Variants in IHO1 observed in about 807,000 individuals in gnomAD.
IHO1 encodes the protein interactor of HORMAD1 protein 1.
A neutral mutation model predicts 31.0 loss-of-function variants in IHO1; 13 were observed. That is an observed-to-expected ratio of 0.42 (90% CI 0.27 to 0.67). IHO1 has a LOEUF of 0.67. IHO1 is among the 30% of genes least tolerant of loss of function. The probability of loss-of-function intolerance (pLI) is 0.24; values close to 1 mark genes in which losing one functional copy is unlikely to be tolerated. For synonymous variants in IHO1, 221 were observed against 248.4 expected, an observed-to-expected ratio of 0.89 and a Z score of 1.04; for missense variants, 599 against 687.5, an observed-to-expected ratio of 0.87 and a Z score of 1.44.
intron 1 of IHO1, among the ~76,000 whole-genome samples, chr3:49,201,986 T>G (rs2046075598): frequency 2.6e-5 from 4 of 152,332 alleles, no homozygotes; most frequent in Admixed American, 2.0e-4. Context: ...AAAATCTAGT[T>G]GTAATTTAGT....
chr3:49,257,174 G>A lies in IHO1; in HGVS notation c.1677G>A (p.Trp559Ter). 6.2e-7 allele frequency: 1 copy of A among 1,614,214 alleles called. No homozygotes were observed. Among genetic ancestry groups the A allele is most frequent in the Non-Finnish European group, 8.5e-7 (1 of 1,180,044 alleles). Residue 559 changes from tryptophan (W) to a stop codon, truncating the protein, a stop_gained, in exon 8 of 8, where the codon TGG (tryptophan) becomes TGA (stop). Coordinates refer to ENST00000452691, the MANE Select transcript of IHO1 (RefSeq NM_001135197.2). LOFTEE classifies it low-confidence loss of function (END_TRUNC). ...SSSQGDHQMSWFSDLNLGCSE... is the reference protein window; with the variant it reads ...SSSQGDHQMS ...CCCAGGGGGACCACCAGATGAGCTGGTTCAGTGACCTCAATCTCGGATGTT... is the reference window on the plus strand; with the variant it reads ...CCCAGGGGGACCACCAGATGAGCTGATTCAGTGACCTCAATCTCGGATGTT...
the IHO1 span, chr3:49,191,551 G>A: frequency 1.4e-6 from 1 of 700,764 alleles, no homozygotes; most frequent in Non-Finnish European, 2.6e-6. Flanking sequence ...TGCATGGAAG[G>A]GGGCAAAGTG....
intron 2 of IHO1, among the ~76,000 whole-genome samples, chr3:49,212,151 G>A (rs1485575157): frequency 2.7e-4 from 37 of 136,980 alleles, no homozygotes; most frequent in Middle Eastern, 4.6e-3. Context: ...GCGACAGAGC[G>A]AGACTCCGTC....
At chr3:49,200,415 AGATCGCGCCACTGCACTCCAGCCTGG>A (rs1159439613) in intron 1 of IHO1, 1 of 209,134 alleles carries the variant, frequency 4.8e-6, no homozygotes, top group Non-Finnish European at 8.2e-6. Context: ...CAGTGAGCTG[AGATCGCGCCACTGCACTCCAGCCTGG>A]GCGACAGAGT....
At chr3:49,253,828 C>CTTTTTTTT (rs139087366) in intron 6 of IHO1, among the ~76,000 whole-genome samples, 5 of 72,230 alleles carry the variant, frequency 6.9e-5, no homozygotes, top group Admixed American at 2.0e-4. Flanking sequence ...CTTTATTTGT[C>CTTTTTTTT]TTTTTTTTTT....
intron 2 of IHO1, among the ~76,000 whole-genome samples, chr3:49,217,740 G>A (rs1197520116): frequency 2.0e-5 from 3 of 152,194 alleles, no homozygotes; most frequent in Non-Finnish European, 2.9e-5. Context: ...TCCCATTTGT[G>A]GGTGATGGGA....
At chr3:49,245,789 G>A (rs2046686481) in intron 6 of IHO1, 1 of 152,024 alleles carries the variant, frequency 6.6e-6, no homozygotes, top group Non-Finnish European at 1.5e-5. Context: ...GCCTTTTTGT[G>A]GCCTAAAAAT....
intron 1 of IHO1, among the ~76,000 whole-genome samples, chr3:49,202,860 T>A (rs1327576543): frequency 7.1e-6 from 1 of 141,520 alleles, no homozygotes; most frequent in Admixed American, 7.0e-5. Flanking sequence ...TATTTTTTTT[T>A]TTTTTTTTTT....
At chr3:49,255,335 T>C (rs909143235) in intron 6 of IHO1, 55 bp from the exon 7 acceptor site, 198 of 1,261,374 alleles carry the variant, frequency 1.6e-4, no homozygotes, top group Non-Finnish European at 1.8e-4. Flanking sequence ...TTTGGGCAGA[T>C]GGGACATACC....
intron 3 of IHO1, among the ~76,000 whole-genome samples, chr3:49,238,442 G>A (rs183886496): frequency 1.3e-5 from 2 of 152,178 alleles, no homozygotes; most frequent in South Asian, 2.1e-4. Context: ...CAGCGGATTC[G>A]CATCCAAAAG....
At chr3:49,223,708 A>T (rs951795695) in intron 2 of IHO1, among the ~76,000 whole-genome samples, 1 of 151,698 alleles carries the variant, frequency 6.6e-6, no homozygotes, top group Non-Finnish European at 1.5e-5. Context: ...AAAAAGCCGG[A>T]CCATTGTTGG....
upstream of IHO1, among the ~76,000 whole-genome samples, chr3:49,194,292 G>GTATATATATATATATATATA (rs141683116): frequency 3.6e-4 from 43 of 120,170 alleles, 1 homozygote; most frequent in African/African-American, 9.6e-4. Context: ...AGTACAAAGT[G>GTATATATATATATATATATA]TATATATATA....
intron 6 of IHO1, among the ~76,000 whole-genome samples, chr3:49,254,204 T>C (rs940161375): frequency 6.6e-6 from 1 of 152,124 alleles, no homozygotes; most frequent in African/African-American, 2.4e-5. Context: ...TAAACATTCG[T>C]TGAATAAATA....
intron 3 of IHO1, among the ~76,000 whole-genome samples, chr3:49,240,464 T>C (rs1431345654): frequency 6.6e-6 from 1 of 152,134 alleles, no homozygotes; most frequent in African/African-American, 2.4e-5. Flanking sequence ...CCTCAGGTGA[T>C]CCGCCCGCCT....
At chr3:49,215,054 T>TC (rs954167331) in intron 2 of IHO1, among the ~76,000 whole-genome samples, 2 of 150,202 alleles carry the variant, frequency 1.3e-5, no homozygotes, top group Non-Finnish European at 3.0e-5. Flanking sequence ...TTGCCTTCTC[T>TC]CTTTTTTTTT....
intron 3 of IHO1, among the ~76,000 whole-genome samples, chr3:49,237,721 T>A (rs1183863677): frequency 2.6e-5 from 4 of 152,058 alleles, no homozygotes; most frequent in East Asian, 1.9e-4. Context: ...CAGACTTTTT[T>A]AAATAATAAA....
At chr3:49,205,509 T>C (rs1409003509) in intron 1 of IHO1, among the ~76,000 whole-genome samples, 1 of 151,864 alleles carries the variant, frequency 6.6e-6, no homozygotes, top group African/African-American at 2.4e-5. Flanking sequence ...TTAGTAGAGA[T>C]GGGGTTCCAC....
intron 2 of IHO1, among the ~76,000 whole-genome samples, chr3:49,212,872 G>A (rs565347051): frequency 4.6e-5 from 7 of 152,280 alleles, no homozygotes; most frequent in South Asian, 2.1e-4. Context: ...GAAGAGGATC[G>A]GAGCTGGTTG....
At chr3:49,194,222 C>T (rs1281525891), upstream of IHO1, among the ~76,000 whole-genome samples, 1 of 144,302 alleles carries the variant, frequency 6.9e-6, no homozygotes, top group African/African-American at 2.6e-5. Flanking sequence ...GAGTCGAGAT[C>T]GTGCCATTAC....
Sources: allele counts gnomAD v4.1 joint callset (sites outside exome capture counted in the v4.1 genomes callset), GRCh38; gene constraint gnomAD v4.1.1; transcripts MANE v1.5; gene names NCBI Gene and HGNC (gene_info 2026-07-23, HGNC 2026-07-21).